Variants in IPO7 observed in about 807,000 individuals in gnomAD.
IPO7 encodes importin 7, also known as importin-7.
In IPO7, 13 loss-of-function variants were observed where a neutral mutation model predicts 136.4. The observed-to-expected ratio is 0.10, with a 90% CI of 0.06 to 0.15. The LOEUF (loss-of-function observed/expected upper bound fraction) is 0.15, where lower values mean the gene tolerates loss of function less well. Ranked by LOEUF, IPO7 falls within the 10% of genes least tolerant of loss-of-function variation. IPO7 has a pLI of 1.00. For synonymous variants in IPO7, 403 were observed against 404.4 expected, an observed-to-expected ratio of 1.00 and a Z score of 0.04; for missense variants, 857 against 1,240.6, an observed-to-expected ratio of 0.69 and a Z score of 4.65.
At chr11:9,408,704 G>GTTTT (rs377057603) in intron 3 of IPO7, 65 bp downstream of exon 3, 227 of 173,216 alleles carry the variant, frequency 1.3e-3, no homozygotes, top group East Asian at 2.5e-3. Flanking sequence ...TTGTTTTTTG[G>GTTTT]TTTTTTTTTT....
chr11:9,442,580 A>G (rs925865610), intron 24 of IPO7, among the ~76,000 whole-genome samples: 2 of 151,922 alleles, frequency 1.3e-5, no homozygotes, highest in African/African-American at 4.8e-5. Context: ...CACCTGGCTA[A>G]TTTTTTGTAT....
rs746313467 is a variant in IPO7, at chr11:9,434,989, T to G, written c.2130T>G (p.Ser710=). Residue 710 remains serine, a synonymous_variant, in exon 19 of 25, where the codon TCT becomes TCG. Transcript: ENST00000379719. The stretch of plus-strand genomic sequence containing the variant: ...CAGTTGATACAGACACACTTCTGTC[T>G]GACACCAAGTATCTTGAAATGATAT... ...YVTVDTDTLL[S]DTKYLEMIYS... 1.2e-6 allele frequency: 2 copies of G among 1,608,750 alleles called. No homozygotes were observed. The highest frequency in any genetic ancestry group is 1.7e-5 in the Admixed American group (1 of 60,018).
Position 9,440,489 on chromosome 11 carries a change from A to G in IPO7, c.2730A>G (p.Glu910=), listed in dbSNP as rs780253957. 1 of 1,614,012 alleles carries G rather than the reference A, an allele frequency of 6.2e-7. No homozygotes were observed. Among genetic ancestry groups the G allele is most frequent in the East Asian group, 2.2e-5 (1 of 44,860 alleles). Residue 910 remains glutamate (E), a synonymous_variant, in exon 23 of 25, where the codon GAA becomes GAG. Coordinates refer to ENST00000379719, the MANE Select transcript of IPO7 (RefSeq NM_006391.3). ...GGAGTGATGAAGATGATATTGATGA[A>G]GATGGGCAAGAATATTTGGAGATTC... ...ELGSDEDDID[E]DGQEYLEILA...
At chr11:9,386,371 T>C (rs1309467625) in intron 1 of IPO7, among the ~76,000 whole-genome samples, 5 of 152,182 alleles carry the variant, frequency 3.3e-5, no homozygotes, top group African/African-American at 9.6e-5. Flanking sequence ...TACCAAACTA[T>C]GGAAGGAGCA....
intron 1 of IPO7, among the ~76,000 whole-genome samples, chr11:9,398,198 A>G (rs1475888612): frequency 6.6e-6 from 1 of 152,194 alleles, no homozygotes; most frequent in Non-Finnish European, 1.5e-5. Flanking sequence ...TGGCTCTTCC[A>G]ATTCATTCAG....
chr11:9,445,147 G>A lies in IPO7; in HGVS notation c.3070G>A (p.Val1024Met). ...HGGYKFSAPV[V>M]PSSFNFGGPA... ...AGGATACAAATTCAGTGCTCCAGTT[G>A]TGCCAAGTTCTTTCAATTTTGGAGG... The change falls in exon 25 of 25, where the codon GTG becomes ATG. Residue 1024 changes from valine to methionine, a missense_variant. By Grantham distance (21) the Val-to-Met change is conservative. Transcript: ENST00000379719. The A allele has an allele frequency of 6.2e-7, 1 of 1,612,302 alleles. No homozygotes were observed. The highest frequency in any genetic ancestry group is 8.5e-7 in the Non-Finnish European group (1 of 1,178,372).
rs565543103 is a variant in IPO7 at position 9,413,206 on chromosome 11, T to A, written c.480-1049T>A. Reference sequence around the variant, plus strand: ...AACAGACTTTTTAACGATACTTTTTTATTTTTTTTGAGATTGAGTCTCTCT... The same window carrying A: ...AACAGACTTTTTAACGATACTTTTTAATTTTTTTTGAGATTGAGTCTCTCT... On this transcript the variant is annotated intron_variant, in intron 4 of 24. Coordinates refer to ENST00000379719, the MANE Select transcript of IPO7 (RefSeq NM_006391.3). Among the ~76,000 whole-genome samples, 8 of 152,234 alleles carry A rather than the reference T, an allele frequency of 5.3e-5. No individual in the cohort carries two copies. The South Asian group carries it at 1.7e-3, about 32-fold the overall frequency.
At chr11:9,428,900 A>G (rs1267495739) in intron 13 of IPO7, 131 bp from the exon 14 acceptor site, 2 of 836,770 alleles carry the variant, frequency 2.4e-6, no homozygotes, top group African/African-American at 1.7e-5. Context: ...GTACTGGTCT[A>G]GTGTTGTCTC....
chr11:9,425,318 A>G lies in IPO7; in HGVS notation c.1335+56A>G, dbSNP rs555111847. The G allele has an allele frequency of 8.5e-6, 9 of 1,055,508 alleles. No individual in the cohort carries two copies. The African/African-American group carries it at 1.4e-4, about 17-fold the overall frequency. 65.4% of individuals were successfully genotyped at this position (1,055,508 alleles called of 1,614,324 possible). Reference sequence around the variant, plus strand: ...CTATGCAAGTAGTTTTAAAAAATAAATAGCCAGCCAGGCACAGTGGCTCAC... The same window carrying G: ...CTATGCAAGTAGTTTTAAAAAATAAGTAGCCAGCCAGGCACAGTGGCTCAC... On this transcript the variant is annotated intron_variant, in intron 12 of 24. Coordinates refer to ENST00000379719, the MANE Select transcript of IPO7 (RefSeq NM_006391.3).
chr11:9,443,005 A>G (rs1000941035), intron 24 of IPO7, among the ~76,000 whole-genome samples: 1 of 152,058 alleles, frequency 6.6e-6, no homozygotes, highest in Non-Finnish European at 1.5e-5. Context: ...CCTGGGCAAC[A>G]GAACGAGACT....
intron 16 of IPO7, 62 bp downstream of exon 16, chr11:9,431,065 A>T (rs1255134211): frequency 7.4e-7 from 1 of 1,359,432 alleles, no homozygotes. Flanking sequence ...GAGGGCTCTA[A>T]TATCTCTCTG....
chr11:9,407,195 G>T lies in IPO7; in HGVS notation c.167-1291G>T, dbSNP rs1854900529. Reference sequence around the variant, plus strand: ...GTATTGGTCTCTATTCTGTTTTGGAGAAAAAGAACCAAAATTCTGTAGTAG... The same window carrying T: ...GTATTGGTCTCTATTCTGTTTTGGATAAAAAGAACCAAAATTCTGTAGTAG... On this transcript the variant is annotated intron_variant, in intron 2 of 24. Coordinates refer to ENST00000379719, the MANE Select transcript of IPO7 (RefSeq NM_006391.3). 3.3e-5 allele frequency among the ~76,000 whole-genome samples: 5 copies of T among 152,190 alleles called. No individual in the cohort carries two copies. The South Asian group carries it at 1.0e-3, about 31-fold the overall frequency.
chr11:9,419,392 A>G (rs963069038), intron 6 of IPO7, among the ~76,000 whole-genome samples: 2 of 151,238 alleles, frequency 1.3e-5, no homozygotes, highest in African/African-American at 2.4e-5. Flanking sequence ...TACTAAAAAT[A>G]CAAACATTAG....
intron 19 of IPO7, among the ~76,000 whole-genome samples, chr11:9,436,015 G>A (rs1590451935): frequency 6.6e-6 from 1 of 152,296 alleles, no homozygotes; most frequent in South Asian, 2.1e-4. Context: ...CTACAGGATA[G>A]GTGCTTTGAT....
intron 2 of IPO7, among the ~76,000 whole-genome samples, chr11:9,408,040 C>A (rs1564995160): frequency 2.6e-5 from 4 of 151,992 alleles, no homozygotes; most frequent in Non-Finnish European, 5.9e-5. Flanking sequence ...GATTAAGAAC[C>A]TTTATATGCT....
intron 4 of IPO7, among the ~76,000 whole-genome samples, chr11:9,412,827 C>A (rs1439333384): frequency 3.0e-5 from 2 of 67,462 alleles, no homozygotes; most frequent in African/African-American, 4.3e-5. Flanking sequence ...GAGGCACTTT[C>A]TCCAAAAAAA....
chr11:9,429,279 C>A, intron 14 of IPO7, 83 bp downstream of exon 14: 1 of 1,179,572 alleles, frequency 8.5e-7, no homozygotes, highest in Non-Finnish European at 1.2e-6. Flanking sequence ...CTTCGGTAGG[C>A]TTAGGTGGGA....
intron 5 of IPO7, among the ~76,000 whole-genome samples, chr11:9,415,847 G>A (rs569820432): frequency 4.1e-4 from 61 of 150,014 alleles, no homozygotes; most frequent in African/African-American, 1.5e-3. Flanking sequence ...CAAAAAAAAA[G>A]AAAAAAAGAA....
At position 9,408,623 on chromosome 11, in the gene IPO7, T is replaced by C. The variant is rs756232199; in HGVS notation, c.304T>C (p.Ser102Pro). The change falls in exon 3 of 25, where the codon TCT (serine) becomes CCT (proline). Residue 102 changes from serine to proline, a missense_variant. Ser to Pro is a moderately conservative substitution (Grantham distance 74). Around this residue, in one of 11 missense-constraint regions of IPO7, gnomAD observed 287 missense variants for 307.5 expected, o/e 0.93. Coordinates refer to ENST00000379719, the MANE Select transcript of IPO7 (RefSeq NM_006391.3). Reference sequence around the variant, plus strand: ...AAATATTGTAGAAGCCATTATCCATTCTCCTGAGCTCATCAGGTATGTATT... The same window carrying C: ...AAATATTGTAGAAGCCATTATCCATCCTCCTGAGCTCATCAGGTATGTATT... ...RENIVEAIIH[S>P]PELIRVQLTT... 1 of 1,599,198 alleles carries C rather than the reference T, an allele frequency of 6.3e-7. No homozygotes were observed.
Sources: gnomAD v4.1 joint callset for allele counts (sites outside exome capture counted in the v4.1 genomes callset) on GRCh38, gnomAD v4.1.1 for gene constraint, gnomAD v4.1.1 regional missense constraint, MANE v1.5 for transcripts, NCBI Gene and HGNC (gene_info 2026-07-23, HGNC 2026-07-21) for gene names.